The following CTNNA3 variants were observed in gnomAD, a reference collection of about 807,000 sequenced individuals.
CTNNA3 encodes the protein catenin alpha 3.
Under a neutral mutation model 95.7 loss-of-function variants are expected in CTNNA3, and 76 were observed. The ratio of observed to expected loss-of-function variants is 0.79; its 90% CI spans 0.66 to 0.96. CTNNA3 has a LOEUF of 0.96. CTNNA3 is among the 40% of genes least tolerant of loss of function. CTNNA3 has a pLI of 0.00. For missense variants in CTNNA3, 1,191 were observed against 1,089.8 expected (o/e 1.09, Z -1.31); for synonymous variants, 431 against 374.4 (o/e 1.15, Z -1.74).
At chr10:67,411,473 C>T (rs1845364688) in intron 5 of CTNNA3, among the ~76,000 whole-genome samples, 1 of 152,040 alleles carries the variant, frequency 6.6e-6, no homozygotes, top group African/African-American at 2.4e-5. Context: ...AGTAACTTGG[C>T]TCTGTGTAGC....
Position 67,219,481 on chromosome 10 carries a change from T to C in CTNNA3, c.843+126A>G, listed in dbSNP as rs548941987. ...TTCTTTGGAAGACTCAAGAAGGTGA[T>C]AGAGACTAATCTGGATTTTTTATTT... On this transcript the variant is annotated intron_variant, in intron 6 of 17. Coordinates refer to ENST00000433211, the MANE Select transcript of CTNNA3 (RefSeq NM_013266.4). 4.8e-6 allele frequency: 5 copies of C among 1,045,362 alleles called. No homozygotes were observed. The East Asian group carries it at 1.0e-4, about 21-fold the overall frequency. 64.8% of individuals were successfully genotyped at this position (1,045,362 alleles called of 1,614,324 possible). A position where few individuals can be genotyped will look rare whatever the true frequency, so the allele number is the denominator to read the frequency against.
At chr10:67,691,552 C>T (rs968035359) in intron 1 of CTNNA3, among the ~76,000 whole-genome samples, 20 of 148,926 alleles carry the variant, frequency 1.3e-4, no homozygotes, top group South Asian at 6.5e-4. Context: ...CCGCCCCGTC[C>T]GGGATGTGAG....
chr10:67,678,079 A>G (rs947260220), intron 1 of CTNNA3, among the ~76,000 whole-genome samples: 1 of 152,210 alleles, frequency 6.6e-6, no homozygotes, highest in Non-Finnish European at 1.5e-5. Context: ...TTTCTGACAA[A>G]CACCAGGACT....
At chr10:67,274,512 C>T (rs1205260645) in intron 5 of CTNNA3, among the ~76,000 whole-genome samples, 1 of 152,010 alleles carries the variant, frequency 6.6e-6, no homozygotes, top group Non-Finnish European at 1.5e-5. Flanking sequence ...GAGATTATAC[C>T]ACATCTCTTT....
chr10:66,805,593 A>C (rs1253782264), intron 7 of CTNNA3, among the ~76,000 whole-genome samples: 1 of 151,414 alleles, frequency 6.6e-6, no homozygotes, highest in Non-Finnish European at 1.5e-5. Context: ...GAAAAACATA[A>C]GGAAGGATTT....
At chr10:67,110,261 A>G (rs942239457) in intron 7 of CTNNA3, among the ~76,000 whole-genome samples, 2 of 152,178 alleles carry the variant, frequency 1.3e-5, no homozygotes, top group Non-Finnish European at 2.9e-5. Flanking sequence ...TAGTGACTAT[A>G]AATTAAATTA....
intron 10 of CTNNA3, among the ~76,000 whole-genome samples, chr10:66,615,820 T>A (rs886502114): frequency 8.5e-5 from 13 of 152,108 alleles, no homozygotes; most frequent in Admixed American, 7.9e-4. Flanking sequence ...CCATGTGCTT[T>A]TGATGTGCAA....
At chr10:67,516,416 G>C (rs1341322806) in intron 5 of CTNNA3, among the ~76,000 whole-genome samples, 1 of 152,070 alleles carries the variant, frequency 6.6e-6, no homozygotes, top group Admixed American at 6.6e-5. Context: ...CACAAGCCTA[G>C]CACTATTTAG....
chr10:66,390,116 A>T (rs56664086), intron 11 of CTNNA3, among the ~76,000 whole-genome samples: 9,871 of 152,204 alleles, frequency 0.065, 524 homozygotes, highest in East Asian at 0.23. Context: ...AATTCAGTGA[A>T]AACAAAATGT....
At chr10:67,352,928 T>C (rs544336021) in intron 5 of CTNNA3, among the ~76,000 whole-genome samples, 62 of 152,050 alleles carry the variant, frequency 4.1e-4, no homozygotes, top group Non-Finnish European at 7.1e-4. Context: ...TAATTCCAGG[T>C]ATGTACACAA....
At chr10:66,789,863 G>C (rs1158645261) in intron 7 of CTNNA3, among the ~76,000 whole-genome samples, 2 of 152,114 alleles carry the variant, frequency 1.3e-5, no homozygotes, top group African/African-American at 4.8e-5. Context: ...AGCAAGATAG[G>C]ATCTATTTGA....
chr10:66,660,755 T>C (rs7918660), intron 9 of CTNNA3, among the ~76,000 whole-genome samples: 100,173 of 151,912 alleles, frequency 0.66, 33,929 homozygotes, highest in East Asian at 0.95. Flanking sequence ...CTTCCTTCAC[T>C]TCCCTATTTA....
chr10:65,953,506 G>C (rs1410439319), intron 17 of CTNNA3, among the ~76,000 whole-genome samples: 1 of 151,848 alleles, frequency 6.6e-6, no homozygotes, highest in African/African-American at 2.4e-5. Context: ...ATTTACATTA[G>C]GTATATCTCC....
At chr10:67,433,571 A>T (rs1846193475) in intron 5 of CTNNA3, among the ~76,000 whole-genome samples, 2 of 152,076 alleles carry the variant, frequency 1.3e-5, no homozygotes, top group Admixed American at 1.3e-4. Context: ...AAGCACAATA[A>T]AACGAGGTAT....
intron 2 of CTNNA3, among the ~76,000 whole-genome samples, chr10:67,612,310 AATG>A (rs776290033): frequency 7.9e-5 from 12 of 152,372 alleles, no homozygotes; most frequent in Non-Finnish European, 1.8e-4. Context: ...TTAAAGGCAG[AATG>A]ATAACTGTTT....
At chr10:67,692,858 C>T (rs1222803334) in intron 1 of CTNNA3, among the ~76,000 whole-genome samples, 2 of 151,050 alleles carry the variant, frequency 1.3e-5, no homozygotes, top group East Asian at 3.9e-4. Flanking sequence ...CTTCTAATTA[C>T]ATTTTGAACA....
intron 7 of CTNNA3, among the ~76,000 whole-genome samples, chr10:66,983,867 T>G (rs1850583609): frequency 6.6e-6 from 1 of 152,230 alleles, no homozygotes; most frequent in African/African-American, 2.4e-5. Flanking sequence ...AAATAATAGC[T>G]AATGTTTTAG....
chr10:66,745,225 T>C (rs187223338), intron 9 of CTNNA3, among the ~76,000 whole-genome samples: 2 of 152,302 alleles, frequency 1.3e-5, no homozygotes, highest in East Asian at 3.9e-4. Flanking sequence ...CTGTTCAAGT[T>C]TGGCATATGC....
In CTNNA3 at chr10:66,633,448, A is replaced by T. The variant is rs547483401; in HGVS notation, c.1282-11664T>A. 2.0e-3 allele frequency among the ~76,000 whole-genome samples: 300 copies of T among 152,290 alleles called. 1 individual carries two copies. Among genetic ancestry groups the T allele is most frequent in the African/African-American group, 7.0e-3 (293 of 41,574 alleles). Reference sequence around the variant, plus strand: ...GTAATCCCAGCACTTTGGGAGGCCAAGGCGGGCAGATCACGAGGTCAGGAG... The same window carrying T: ...GTAATCCCAGCACTTTGGGAGGCCATGGCGGGCAGATCACGAGGTCAGGAG... On this transcript the variant is annotated intron_variant, in intron 9 of 17. Transcript: ENST00000433211.
Sources: gnomAD v4.1 joint callset for allele counts (sites outside exome capture counted in the v4.1 genomes callset) on GRCh38, gnomAD v4.1.1 for gene constraint, MANE v1.5 for transcripts, NCBI Gene and HGNC (gene_info 2026-07-23, HGNC 2026-07-21) for gene names.